ADRA1A: variants seen among roughly 807,000 people sequenced by gnomAD.
ADRA1A encodes the protein alpha-1A adrenergic receptor.
In ADRA1A, 31 loss-of-function variants were observed where a neutral mutation model predicts 29.6. The observed-to-expected ratio is 1.05, with a 90% CI of 0.79 to 1.41. The LOEUF (loss-of-function observed/expected upper bound fraction) is 1.41, where lower values mean the gene tolerates loss of function less well. Ranked by LOEUF, ADRA1A falls within the 40% of genes most tolerant of loss-of-function variation. ADRA1A has a pLI of 0.00. For synonymous variants in ADRA1A, 311 were observed against 254.3 expected, an observed-to-expected ratio of 1.22 and a Z score of -2.12; for missense variants, 619 against 601.1, an observed-to-expected ratio of 1.03 and a Z score of -0.31.
rs753472624 is a variant in ADRA1A at position 26,815,411 on chromosome 8, C to A, written c.884-44745G>T. ...TCCAAAGCACTAAAACAAGAGGTAG[C>A]AAAAACCTAAGTATTAATGTAACAC... On this transcript the variant is annotated intron_variant, in intron 2 of 2. Transcript: ENST00000380573. The surrounding 1 kb of genome is among the most constrained non-coding windows in gnomAD (Gnocchi z 4.2). Among the ~76,000 whole-genome samples the A allele has an allele frequency of 6.6e-6, 1 of 152,116 alleles. No homozygotes were observed. Among genetic ancestry groups the A allele is most frequent in the Non-Finnish European group, 1.5e-5 (1 of 68,020 alleles).
intron 2 of ADRA1A, among the ~76,000 whole-genome samples, chr8:26,827,894 T>C (rs1478234686): frequency 6.6e-6 from 1 of 152,132 alleles, no homozygotes; most frequent in Non-Finnish European, 1.5e-5. Context: ...TTTTACTTTA[T>C]TTTATTATTA....
intron 2 of ADRA1A, among the ~76,000 whole-genome samples, chr8:26,856,798 T>C (rs991581569): frequency 6.6e-6 from 1 of 152,214 alleles, no homozygotes; most frequent in African/African-American, 2.4e-5. Flanking sequence ...AGTGTGGCTA[T>C]CTGATTAATG....
At position 26,796,003 on chromosome 8, in the gene ADRA1A, A is replaced by T. The variant is rs114381705; in HGVS notation, c.884-25337T>A. 0.017 allele frequency among the ~76,000 whole-genome samples: 2,633 copies of T among 152,260 alleles called. 68 individuals carry two copies. The highest frequency in any genetic ancestry group is 0.057 in the African/African-American group (2,378 of 41,562). On this transcript the variant is annotated intron_variant, in intron 2 of 2. Transcript: ENST00000380573. The surrounding 1 kb of genome is among the most constrained non-coding windows in gnomAD (Gnocchi z 5.0). ...AGTGTCCTAAGAAAATTGAAGATAT[A>T]TGATAATATAAAATTATTGTCAGCT...
At chr8:26,763,295 A>C (rs1315824135), downstream of ADRA1A, among the ~76,000 whole-genome samples, 1 of 152,092 alleles carries the variant, frequency 6.6e-6, no homozygotes, top group Non-Finnish European at 1.5e-5. This position sits in a 1 kb window ranked among gnomAD's most constrained non-coding sequence, Gnocchi z 4.5. Context: ...GGGGACTTCC[A>C]CTTGGGCAGG....
At position 26,821,436 on chromosome 8, in the gene ADRA1A, AGACCTC is replaced by A. The variant is rs997107821; in HGVS notation, c.883+42645_883+42650del. ...GGAGGCCTCAGACTTTTAAACAAGC[AGACCTC>A]GAGTGAACTGAGAACTCACTTTTCA... On this transcript the variant is annotated intron_variant, in intron 2 of 2. Transcript: ENST00000380573. This position sits in a 1 kb window ranked among gnomAD's most constrained non-coding sequence, Gnocchi z 5.6. Among the ~76,000 whole-genome samples, 3 of 152,120 alleles carry A rather than the reference AGACCTC, an allele frequency of 2.0e-5. No individual in the cohort carries two copies. The highest frequency in any genetic ancestry group is 7.2e-5 in the African/African-American group (3 of 41,420).
chr8:26,770,527 C>T lies in ADRA1A; in HGVS notation c.1023G>A (p.Leu341=), dbSNP rs775411568. ...GCTTTCTGCAGAGACACTGGATTCT[C>T]AAGACATTCTGAAAGGCCTTTTTGA... ...QEFKKAFQNV[L]RIQCLCRKQS... Residue 341 remains leucine, a synonymous_variant, in exon 3 of 3, where the codon TTG becomes TTA. Transcript: ENST00000380573. The T allele has an allele frequency of 1.2e-6, 2 of 1,614,044 alleles. No individual in the cohort carries two copies. The highest frequency in any genetic ancestry group is 2.7e-5 in the African/African-American group (2 of 74,916).
chr8:26,754,476 C>G (rs1318758215), downstream of ADRA1A, among the ~76,000 whole-genome samples: 1 of 151,932 alleles, frequency 6.6e-6, no homozygotes, highest in Non-Finnish European at 1.5e-5. Context: ...GAAATTGCAC[C>G]TTACATGGAA....
intron 2 of ADRA1A, among the ~76,000 whole-genome samples, chr8:26,780,334 T>C: frequency 6.6e-6 from 1 of 151,922 alleles, no homozygotes; most frequent in East Asian, 1.9e-4. Flanking sequence ...GAATTATGAG[T>C]TTCCAACACC....
In ADRA1A at chr8:26,864,508, G is replaced by T; in HGVS notation, c.462C>A (p.Ser154=). The change falls in exon 2 of 3, where the codon TCC becomes TCA. Residue 154 remains serine, a synonymous_variant. Coordinates refer to ENST00000380573, the MANE Select transcript of ADRA1A (RefSeq NM_000680.4). This position sits in a 1 kb window ranked among gnomAD's most constrained non-coding sequence, Gnocchi z 8.1. ...LMALLCVWAL[S]LVISIGPLFG... ...ACAGGGGTCCAATGGATATGACCAG[G>T]GAGAGTGCCCAGACGCAGAGCAGAG... is the stretch of plus-strand genomic sequence containing the variant. 6.2e-7 allele frequency: 1 copy of T among 1,614,032 alleles called. No homozygotes were observed. Among genetic ancestry groups the T allele is most frequent in the Non-Finnish European group, 8.5e-7 (1 of 1,180,040 alleles).
At chr8:26,778,711 G>A (rs963015980) in intron 2 of ADRA1A, among the ~76,000 whole-genome samples, 13 of 145,402 alleles carry the variant, frequency 8.9e-5, no homozygotes, top group Non-Finnish European at 1.3e-4. Flanking sequence ...ACCAAACACC[G>A]CATGTTCTCA....
At chr8:26,774,152 C>T (rs1806370761) in intron 2 of ADRA1A, among the ~76,000 whole-genome samples, 1 of 152,182 alleles carries the variant, frequency 6.6e-6, no homozygotes. Flanking sequence ...GTGACAGCAG[C>T]CAGATGTGTG....
In ADRA1A at chr8:26,811,277, C is replaced by T. The variant is rs559392917; in HGVS notation, c.884-40611G>A. ...GCGCGATCTCGGCTCGCTGCAAGCT[C>T]TGCCTTCCAGGCTCACGCCATTCTC... On this transcript the variant is annotated intron_variant, in intron 2 of 2. Coordinates refer to ENST00000380573, the MANE Select transcript of ADRA1A (RefSeq NM_000680.4). Among the ~76,000 whole-genome samples the T allele has an allele frequency of 1.1e-3, 169 of 152,038 alleles. 2 individuals carry two copies. The highest frequency in any genetic ancestry group is 4.0e-3 in the African/African-American group (166 of 41,448).
chr8:26,751,147 C>T (rs1332197335), intron 2 of ADRA1A, among the ~76,000 whole-genome samples: 1 of 152,036 alleles, frequency 6.6e-6, no homozygotes, highest in Non-Finnish European at 1.5e-5. Context: ...CAAATGAGGC[C>T]TGCAGTGTGG....
At chr8:26,798,257 G>A (rs145101373) in intron 2 of ADRA1A, among the ~76,000 whole-genome samples, 16 of 152,332 alleles carry the variant, frequency 1.1e-4, no homozygotes, top group Non-Finnish European at 1.6e-4. Context: ...GGGATTACAA[G>A]TGTGAGCCAC....
At chr8:26,782,158 C>T (rs1312133975) in intron 2 of ADRA1A, among the ~76,000 whole-genome samples, 2 of 152,210 alleles carry the variant, frequency 1.3e-5, no homozygotes, top group Admixed American at 6.5e-5. Flanking sequence ...AGCTCCCTCC[C>T]CTGCCTGGAT....
At chr8:26,779,338 C>T in intron 2 of ADRA1A, 1 of 702,912 alleles carries the variant, frequency 1.4e-6, no homozygotes, top group Non-Finnish European at 2.6e-6. Flanking sequence ...TTTTCCTTCT[C>T]CATCACCTCC....
At chr8:26,774,155 G>C (rs1402886960) in intron 2 of ADRA1A, among the ~76,000 whole-genome samples, 1 of 152,232 alleles carries the variant, frequency 6.6e-6, no homozygotes, top group Non-Finnish European at 1.5e-5. Context: ...ACAGCAGCCA[G>C]ATGTGTGTAA....
At chr8:26,842,144 A>G (rs921141399) in intron 2 of ADRA1A, among the ~76,000 whole-genome samples, 2 of 152,182 alleles carry the variant, frequency 1.3e-5, no homozygotes, top group African/African-American at 4.8e-5. Flanking sequence ...GAGGATGGAA[A>G]TGTTCTCTGC....
chr8:26,851,166 G>T (rs1220024750), intron 2 of ADRA1A, among the ~76,000 whole-genome samples: 2 of 152,186 alleles, frequency 1.3e-5, no homozygotes, highest in Non-Finnish European at 2.9e-5. Context: ...GTTTTAAAAT[G>T]CACTATTTTA....
Sources: gnomAD v4.1 joint callset for allele counts (sites outside exome capture counted in the v4.1 genomes callset) on GRCh38, gnomAD v4.1.1 for gene constraint, Gnocchi (gnomAD v3.1) non-coding constraint, MANE v1.5 for transcripts, NCBI Gene and HGNC (gene_info 2026-07-23, HGNC 2026-07-21) for gene names.